The following GOLGA4 variants were observed in gnomAD, a reference collection of about 807,000 sequenced individuals.
GOLGA4 encodes the protein golgin subfamily A member 4.
A neutral mutation model predicts 265.9 loss-of-function variants in GOLGA4; 169 were observed. The ratio of observed to expected loss-of-function variants is 0.64; its 90% CI spans 0.56 to 0.72. The LOEUF is 0.72. Among genes scored for constraint, GOLGA4 ranks in the 30% least tolerant of loss-of-function variants. The probability of loss-of-function intolerance (pLI) is 0.00; values close to 1 mark genes in which losing one functional copy is unlikely to be tolerated. For missense variants in GOLGA4, 2,482 were observed against 2,483.4 expected (o/e 1.00, Z 0.01); for synonymous variants, 923 against 855.8 (o/e 1.08, Z -1.37).
chr3:37,322,828 G>GA (rs562343154), intron 13 of GOLGA4, among the ~76,000 whole-genome samples: 192 of 144,168 alleles, frequency 1.3e-3, no homozygotes, highest in East Asian at 4.8e-3. Flanking sequence ...CCTTCTTTAT[G>GA]AAAAAAAAAA....
intron 2 of GOLGA4, among the ~76,000 whole-genome samples, chr3:37,270,160 T>G (rs567615882): frequency 7.6e-5 from 11 of 143,986 alleles, no homozygotes; most frequent in Admixed American, 3.5e-4. Flanking sequence ...TCCCAAAGTG[T>G]TGGGTTTATA....
chr3:37,348,528 C>G (rs2097063356), intron 21 of GOLGA4, among the ~76,000 whole-genome samples: 1 of 152,108 alleles, frequency 6.6e-6, no homozygotes, highest in South Asian at 2.1e-4. Context: ...ATGGGACATA[C>G]ACTATCTCAC....
At chr3:37,280,046 C>T (rs1262745710) in intron 2 of GOLGA4, among the ~76,000 whole-genome samples, 1 of 152,124 alleles carries the variant, frequency 6.6e-6, no homozygotes, top group African/African-American at 2.4e-5. Context: ...ACCGTTCAAT[C>T]AAAACACAGC....
intron 2 of GOLGA4, among the ~76,000 whole-genome samples, chr3:37,252,498 A>T (rs1301406058): frequency 1.3e-5 from 2 of 152,152 alleles, no homozygotes; most frequent in Non-Finnish European, 2.9e-5. Flanking sequence ...ACTTTGGAGT[A>T]GAATCACTGC....
chr3:37,337,292 T>C, intron 18 of GOLGA4, 129 bp downstream of exon 18: 1 of 631,576 alleles, frequency 1.6e-6, no homozygotes, highest in Non-Finnish European at 2.8e-6. Flanking sequence ...CTCTGCCTCC[T>C]GAGTTCAGGT....
intron 5 of GOLGA4, among the ~76,000 whole-genome samples, chr3:37,293,977 A>T (rs2096871604): frequency 6.6e-6 from 1 of 152,222 alleles, no homozygotes; most frequent in Non-Finnish European, 1.5e-5. Context: ...GTCTATCTAA[A>T]CATAGAAAAA....
At chr3:37,331,653 A>G (rs2096990832) in intron 16 of GOLGA4, among the ~76,000 whole-genome samples, 1 of 152,174 alleles carries the variant, frequency 6.6e-6, no homozygotes, top group East Asian at 1.9e-4. Flanking sequence ...ATGACATTGT[A>G]GAATGCTGCA....
In GOLGA4 at chr3:37,305,752, G is replaced by A. The variant is rs541175767; in HGVS notation, c.1234+3420G>A. ...TATGTCTACATAAAACTCTTATCTA[G>A]AAAATAAACTCTCCAAATGCATTTT... On this transcript the variant is annotated intron_variant, in intron 10 of 23. Coordinates refer to ENST00000361924, the MANE Select transcript of GOLGA4 (RefSeq NM_002078.5). Among the ~76,000 whole-genome samples, 10 of 152,254 alleles carry A rather than the reference G, an allele frequency of 6.6e-5. No individual in the cohort carries two copies. In the South Asian group the frequency reaches 1.5e-3, roughly 22 times the overall value.
intron 2 of GOLGA4, among the ~76,000 whole-genome samples, chr3:37,269,787 G>A (rs1285441693): frequency 1.3e-5 from 2 of 151,056 alleles, no homozygotes; most frequent in East Asian, 1.9e-4. Context: ...TAGATATGTG[G>A]TTTAGTACAT....
At chr3:37,299,720 T>C (rs2096887770) in intron 9 of GOLGA4, among the ~76,000 whole-genome samples, 1 of 152,124 alleles carries the variant, frequency 6.6e-6, no homozygotes, top group African/African-American at 2.4e-5. Flanking sequence ...TCAGATAATA[T>C]GGAAACAGAT....
intron 1 of GOLGA4, among the ~76,000 whole-genome samples, chr3:37,245,886 T>A (rs1487055117): frequency 6.6e-6 from 1 of 152,138 alleles, no homozygotes; most frequent in Non-Finnish European, 1.5e-5. Flanking sequence ...CTTTTGATAA[T>A]TATTTTGTAA....
At chr3:37,244,335 T>A (rs1391125657) in intron 1 of GOLGA4, among the ~76,000 whole-genome samples, 1 of 152,206 alleles carries the variant, frequency 6.6e-6, no homozygotes, top group Non-Finnish European at 1.5e-5. Context: ...GCTTTTTAAG[T>A]CTTGCTGCTC....
chr3:37,352,101 C>T (rs2097076401), intron 21 of GOLGA4, among the ~76,000 whole-genome samples: 1 of 152,060 alleles, frequency 6.6e-6, no homozygotes, highest in South Asian at 2.1e-4. Flanking sequence ...GCTAGATCTT[C>T]TGGGTAATTT....
rs144341991 is a variant in GOLGA4 at position 37,282,220 on chromosome 3, G to T, written c.425G>T (p.Arg142Leu). 2.5e-6 allele frequency: 4 copies of T among 1,614,044 alleles called. No individual in the cohort carries two copies. The African/African-American group carries it at 5.3e-5, about 22-fold the overall frequency. The part of the protein sequence containing the change: ...DSLNKEQLIQ[R>L]LRRMERSLSS... The stretch of plus-strand genomic sequence containing the variant: ...CTCAACAAAGAACAGTTGATTCAGC[G>T]GTTGCGAAGAATGGAACGAAGCTTA... Residue 142 changes from arginine (R) to leucine (L), a missense_variant, in exon 3 of 24, where the codon CGG becomes CTG. Coordinates refer to ENST00000361924, the MANE Select transcript of GOLGA4 (RefSeq NM_002078.5).
intron 11 of GOLGA4, among the ~76,000 whole-genome samples, chr3:37,315,883 A>C (rs897311994): frequency 6.6e-6 from 1 of 152,202 alleles, no homozygotes; most frequent in African/African-American, 2.4e-5. Flanking sequence ...AAGATAGGCT[A>C]CTTAGCTGCT....
intron 16 of GOLGA4, among the ~76,000 whole-genome samples, chr3:37,332,647 A>G (rs945571578): frequency 6.6e-6 from 1 of 152,156 alleles, no homozygotes; most frequent in Non-Finnish European, 1.5e-5. Flanking sequence ...TACATGTATA[A>G]TGAAAATTGT....
intron 5 of GOLGA4, among the ~76,000 whole-genome samples, chr3:37,290,382 T>C (rs916369221): frequency 1.3e-5 from 2 of 152,242 alleles, no homozygotes; most frequent in African/African-American, 4.8e-5. Flanking sequence ...TTTATTCTTA[T>C]TGCTATCATG....
At chr3:37,271,503 G>A (rs2096798554) in intron 2 of GOLGA4, among the ~76,000 whole-genome samples, 1 of 152,136 alleles carries the variant, frequency 6.6e-6, no homozygotes, top group Non-Finnish European at 1.5e-5. Flanking sequence ...GGAAATAGTA[G>A]TAGTATTGGT....
chr3:37,267,069 C>A, intron 2 of GOLGA4: 1 of 321,488 alleles, frequency 3.1e-6, no homozygotes, highest in Admixed American at 4.5e-5. Context: ...CTGTTGCTAA[C>A]CCTGCTCTAA....
Sources: gnomAD v4.1 joint callset for allele counts (sites outside exome capture counted in the v4.1 genomes callset) on GRCh38, gnomAD v4.1.1 for gene constraint, MANE v1.5 for transcripts, NCBI Gene and HGNC (gene_info 2026-07-23, HGNC 2026-07-21) for gene names.